Variants in ENOX1 observed in about 807,000 individuals in gnomAD.
The protein encoded by ENOX1 is ecto-NOX disulfide-thiol exchanger 1.
Under a neutral mutation model 82.5 loss-of-function variants are expected in ENOX1, and 42 were observed. The observed-to-expected ratio is 0.51, with a 90% CI of 0.40 to 0.66. The LOEUF is 0.66. Ranked by LOEUF, ENOX1 falls within the 30% of genes least tolerant of loss-of-function variation. ENOX1 has a pLI of 0.00. For synonymous variants in ENOX1, 271 were observed against 282.2 expected (o/e 0.96, Z 0.40); for missense variants, 608 against 811.6 (o/e 0.75, Z 3.05).
intron 11 of ENOX1, among the ~76,000 whole-genome samples, chr13:43,314,884 C>T (rs1189754042): frequency 6.6e-6 from 1 of 152,206 alleles, no homozygotes; most frequent in Admixed American, 6.5e-5. Context: ...CTGACCACCT[C>T]AAAGATTTTA....
intron 9 of ENOX1, 41 bp from the exon 10 acceptor site, chr13:43,326,566 G>T: frequency 1.3e-6 from 2 of 1,525,394 alleles, no homozygotes; most frequent in Non-Finnish European, 1.8e-6. Flanking sequence ...AGTAATTTAT[G>T]TTGTGATCAC....
chr13:43,338,255 C>T (rs2048829900), intron 9 of ENOX1, among the ~76,000 whole-genome samples: 2 of 152,314 alleles, frequency 1.3e-5, no homozygotes, highest in Non-Finnish European at 2.9e-5. Flanking sequence ...TTTGAAATGA[C>T]AAGCTTTGTT....
At chr13:43,264,405 C>G (rs2044251976) in intron 14 of ENOX1, among the ~76,000 whole-genome samples, 2 of 152,208 alleles carry the variant, frequency 1.3e-5, no homozygotes, top group African/African-American at 4.8e-5. Context: ...TTGTAACCCC[C>G]ATTTCTGTTC....
intron 1 of ENOX1, among the ~76,000 whole-genome samples, chr13:43,668,758 A>C (rs187669201): frequency 6.6e-6 from 1 of 152,164 alleles, no homozygotes; most frequent in Non-Finnish European, 1.5e-5. Flanking sequence ...CACACTTAGA[A>C]AGTACCTGAC....
At chr13:43,472,659 G>A (rs2058119093) in intron 3 of ENOX1, among the ~76,000 whole-genome samples, 1 of 152,134 alleles carries the variant, frequency 6.6e-6, no homozygotes. Flanking sequence ...AGCCCACTGA[G>A]GTTATGGGAT....
chr13:43,500,716 A>T (rs185279269), intron 2 of ENOX1, among the ~76,000 whole-genome samples: 129 of 152,100 alleles, frequency 8.5e-4, no homozygotes, highest in Middle Eastern at 3.4e-3. Flanking sequence ...AGATGTATAA[A>T]TTACTTATAA....
At chr13:43,256,102 G>A (rs2043730351) in intron 14 of ENOX1, among the ~76,000 whole-genome samples, 1 of 152,108 alleles carries the variant, frequency 6.6e-6, no homozygotes, top group Admixed American at 6.5e-5. Context: ...AAAACAGTAT[G>A]CAGAAGAATG....
chr13:43,554,146 C>T (rs2079331583), intron 2 of ENOX1, among the ~76,000 whole-genome samples: 1 of 152,132 alleles, frequency 6.6e-6, no homozygotes, highest in South Asian at 2.1e-4. Context: ...TTCCTTGTTA[C>T]TTCCAAAAAA....
At chr13:43,725,502 G>C (rs764401970) in intron 1 of ENOX1, among the ~76,000 whole-genome samples, 1 of 152,038 alleles carries the variant, frequency 6.6e-6, no homozygotes, top group East Asian at 1.9e-4. Context: ...GCTCCTCTCC[G>C]AGACAAGGAC....
At chr13:43,661,157 C>G (rs1260504709) in intron 2 of ENOX1, among the ~76,000 whole-genome samples, 1 of 152,190 alleles carries the variant, frequency 6.6e-6, no homozygotes, top group Non-Finnish European at 1.5e-5. Flanking sequence ...GCCCCTGCAA[C>G]TCTCAAGTCT....
intron 2 of ENOX1, chr13:43,547,607 T>C (rs1292014136): frequency 1.3e-5 from 2 of 152,228 alleles, no homozygotes; most frequent in Non-Finnish European, 2.9e-5. Context: ...TTTATTGTTG[T>C]AGGTCTAAAG....
intron 12 of ENOX1, among the ~76,000 whole-genome samples, chr13:43,270,073 C>T (rs1445794455): frequency 6.6e-6 from 1 of 152,168 alleles, no homozygotes; most frequent in Non-Finnish European, 1.5e-5. Context: ...GTCCAAACTG[C>T]AATCAATATA....
intron 3 of ENOX1, among the ~76,000 whole-genome samples, chr13:43,449,060 TAC>T (rs2056812682): frequency 6.6e-6 from 1 of 152,238 alleles, no homozygotes; most frequent in Admixed American, 6.5e-5. Context: ...CCTTGCCAGA[TAC>T]AGTCTAGGCA....
At chr13:43,615,267 T>C (rs1404141319) in intron 2 of ENOX1, among the ~76,000 whole-genome samples, 2 of 152,166 alleles carry the variant, frequency 1.3e-5, no homozygotes, top group Non-Finnish European at 2.9e-5. Flanking sequence ...CATAAGAGCT[T>C]TAAATTGTAT....
intron 1 of ENOX1, among the ~76,000 whole-genome samples, chr13:43,779,983 C>T (rs973405816): frequency 9.9e-5 from 15 of 151,936 alleles, no homozygotes; most frequent in African/African-American, 3.6e-4. Context: ...AGTGAAACCC[C>T]ATCTCTACTA....
chr13:43,315,460 T>C (rs1267448683), intron 11 of ENOX1, among the ~76,000 whole-genome samples: 1 of 151,148 alleles, frequency 6.6e-6, no homozygotes, highest in African/African-American at 2.4e-5. Context: ...AATTCTCTCC[T>C]GTGTTTAGGA....
At chr13:43,754,266 C>CACACACACATATATACATATAT (rs760049047) in intron 1 of ENOX1, among the ~76,000 whole-genome samples, 1 of 138,022 alleles carries the variant, frequency 7.2e-6, no homozygotes, top group African/African-American at 2.6e-5. Context: ...TACATATATA[C>CACACACACATATATACATATAT]ACACACACAT....
chr13:43,415,944 G>A (rs1470497827), intron 3 of ENOX1, among the ~76,000 whole-genome samples: 210 of 70,204 alleles, frequency 3.0e-3, no homozygotes, highest in East Asian at 3.9e-3. Flanking sequence ...CAGATGGGGT[G>A]GCCGGACAGA....
intron 12 of ENOX1, among the ~76,000 whole-genome samples, chr13:43,284,463 A>G (rs1308536883): frequency 3.3e-5 from 5 of 152,184 alleles, no homozygotes. Flanking sequence ...AAAGCTGGCC[A>G]ACGAAAGCCA....
Sources: allele counts gnomAD v4.1 joint callset (sites outside exome capture counted in the v4.1 genomes callset), GRCh38; gene constraint gnomAD v4.1.1; transcripts MANE v1.5; gene names NCBI Gene and HGNC (gene_info 2026-07-23, HGNC 2026-07-21).